Variants in RAB32 observed in about 807,000 individuals in gnomAD.
RAB32 encodes the protein RAB32, member RAS oncogene family, also known as ras-related protein Rab-32.
A neutral mutation model predicts 17.5 loss-of-function variants in RAB32; 17 were observed. The ratio of observed to expected loss-of-function variants is 0.97; its 90% CI spans 0.67 to 1.46. The LOEUF is 1.46. Among genes scored for constraint, RAB32 ranks in the 40% most tolerant of loss-of-function variants. The pLI is 0.00. For synonymous variants in RAB32, 115 were observed against 111.1 expected, an observed-to-expected ratio of 1.04 and a Z score of -0.22; for missense variants, 288 against 284.3, an observed-to-expected ratio of 1.01 and a Z score of -0.09.
chr6:146,545,757 A>T (rs1031253377), intron 1 of RAB32, among the ~76,000 whole-genome samples: 8 of 152,218 alleles, frequency 5.3e-5, no homozygotes, highest in African/African-American at 1.9e-4. Flanking sequence ...CGTTGCACAG[A>T]ACCCTAATGA....
rs919286380 is a variant in RAB32 at position 146,549,396 on chromosome 6, G to A, written c.251-68G>A. 14 of 1,316,816 alleles carry A rather than the reference G, an allele frequency of 1.1e-5. No homozygotes were observed. In the Admixed American group the frequency reaches 2.2e-4, roughly 21 times the overall value. 81.6% of individuals were successfully genotyped at this position (1,316,816 alleles called of 1,614,324 possible). A position where few individuals can be genotyped will look rare whatever the true frequency, so the allele number is the denominator to read the frequency against. On this transcript the variant is annotated intron_variant, in intron 1 of 2. Coordinates refer to ENST00000367495, the MANE Select transcript of RAB32 (RefSeq NM_006834.5). ...CATAGTGTTGCTCTTGGGGTAAAAG[G>A]GGTTATACCTAAATGTAGACTCTGT...
chr6:146,554,415 A>C (rs1779933739), intron 2 of RAB32, 41 bp from the exon 3 acceptor site: 1 of 1,566,504 alleles, frequency 6.4e-7, no homozygotes, highest in African/African-American at 1.4e-5. Context: ...TCTAAGAATT[A>C]ATCCTAAAAA....
At chr6:146,551,331 G>A (rs1258805467) in intron 2 of RAB32, among the ~76,000 whole-genome samples, 1 of 152,112 alleles carries the variant, frequency 6.6e-6, no homozygotes, top group Admixed American at 6.6e-5. Context: ...TTCTTATAGA[G>A]AAGTCACCTC....
chr6:146,554,533 A>G lies in RAB32; in HGVS notation c.606A>G (p.Glu202=). The part of the protein sequence containing the change: ...ILVNHQSFPN[E]ENDVDKIKLD... ...TAAACCACCAAAGCTTTCCTAATGA[A>G]GAAAACGATGTGGACAAAATTAAGC... is the stretch of plus-strand genomic sequence containing the variant. Residue 202 remains glutamate (E), a synonymous_variant, in exon 3 of 3, where the codon GAA becomes GAG. Transcript: ENST00000367495. 6.2e-7 allele frequency: 1 copy of G among 1,613,986 alleles called. No homozygotes were observed. Among genetic ancestry groups the G allele is most frequent in the Non-Finnish European group, 8.5e-7 (1 of 1,179,868 alleles).
At chr6:146,551,504 C>T (rs1311997760) in intron 2 of RAB32, among the ~76,000 whole-genome samples, 2 of 151,440 alleles carry the variant, frequency 1.3e-5, no homozygotes, top group Non-Finnish European at 1.5e-5. Context: ...GGATTACAGG[C>T]GTGTTCTTCT....
Position 146,543,954 on chromosome 6 carries a change from T to G in RAB32, c.83T>G (p.Val28Gly), listed in dbSNP as rs2114779959. The G allele has an allele frequency of 6.2e-7, 1 of 1,612,404 alleles. No individual in the cohort carries two copies. Residue 28 changes from valine (V) to glycine (G), a missense_variant, in exon 1 of 3, where the codon GTG (valine) becomes GGG (glycine). Physicochemically the swap from Val to Gly is moderately radical, Grantham distance 109. Transcript: ENST00000367495. ...APETREHLFKVLVIGELGVGK... is the reference protein window; with the variant it reads ...APETREHLFKGLVIGELGVGK... The stretch of plus-strand genomic sequence containing the variant: ...GAGACCCGCGAGCACCTCTTCAAGG[T>G]GCTGGTGATCGGCGAGCTTGGCGTG...
At chr6:146,548,814 A>G (rs1779857947) in intron 1 of RAB32, among the ~76,000 whole-genome samples, 1 of 152,214 alleles carries the variant, frequency 6.6e-6, no homozygotes, top group African/African-American at 2.4e-5. Context: ...GTTTGACATA[A>G]ATTATTTTAA....
intron 2 of RAB32, among the ~76,000 whole-genome samples, chr6:146,552,199 A>G (rs865959613): frequency 6.6e-5 from 10 of 152,228 alleles, no homozygotes; most frequent in African/African-American, 7.2e-5. Flanking sequence ...TTACATTAAC[A>G]TGTGACTAGT....
At chr6:146,547,724 A>C (rs1281215187) in intron 1 of RAB32, among the ~76,000 whole-genome samples, 4 of 28,162 alleles carry the variant, frequency 1.4e-4, no homozygotes, top group Non-Finnish European at 1.9e-4. Flanking sequence ...ATGATTCACA[A>C]AAAAAAAAAA....
At position 146,546,108 on chromosome 6, in the gene RAB32, G is replaced by A. The variant is rs141919579; in HGVS notation, c.250+1987G>A. On this transcript the variant is annotated intron_variant, in intron 1 of 2. Transcript: ENST00000367495. Reference sequence around the variant, plus strand: ...ATTAATCACAGACCTCGAATGACAGGAAGGGGTCATATCTAGTTTTTTATC... The same window carrying A: ...ATTAATCACAGACCTCGAATGACAGAAAGGGGTCATATCTAGTTTTTTATC... 4.1e-3 allele frequency among the ~76,000 whole-genome samples: 629 copies of A among 152,186 alleles called. 6 individuals carry two copies. The highest frequency in any genetic ancestry group is 0.015 in the African/African-American group (604 of 41,522).
chr6:146,547,782 G>T (rs1159747384), intron 1 of RAB32, among the ~76,000 whole-genome samples: 1 of 147,982 alleles, frequency 6.8e-6, no homozygotes, highest in African/African-American at 2.5e-5. Context: ...TTAACTTCTA[G>T]GTTTCTAACT....
chr6:146,553,542 A>C (rs77121909), intron 2 of RAB32, among the ~76,000 whole-genome samples: 229 of 152,230 alleles, frequency 1.5e-3, no homozygotes, highest in African/African-American at 5.4e-3. Flanking sequence ...AAGCAAGGAG[A>C]GTGAGGAACT....
In RAB32 at chr6:146,546,363, A is replaced by T. The variant is rs73783710; in HGVS notation, c.250+2242A>T. ...TTATTAGGCTCACATTATAAGTAAG[A>T]TTTTCAGAGATAGAATTTTAATATC... On this transcript the variant is annotated intron_variant, in intron 1 of 2. Coordinates refer to ENST00000367495, the MANE Select transcript of RAB32 (RefSeq NM_006834.5). Among the ~76,000 whole-genome samples the T allele has an allele frequency of 2.4e-3, 367 of 152,152 alleles. 1 individual carries two copies. Among genetic ancestry groups the T allele is most frequent in the African/African-American group, 8.1e-3 (338 of 41,500 alleles).
chr6:146,550,467 G>A (rs1258447491), intron 2 of RAB32, among the ~76,000 whole-genome samples: 1 of 151,818 alleles, frequency 6.6e-6, no homozygotes, highest in Non-Finnish European at 1.5e-5. Context: ...GACCAGCCTG[G>A]GCAACGTGGC....
At chr6:146,553,076 T>G (rs1380499640) in intron 2 of RAB32, among the ~76,000 whole-genome samples, 2 of 152,212 alleles carry the variant, frequency 1.3e-5, no homozygotes, top group Non-Finnish European at 2.9e-5. Flanking sequence ...TTTTTATTTT[T>G]TTATTATACT....
intron 1 of RAB32, among the ~76,000 whole-genome samples, chr6:146,545,953 C>T (rs944297169): frequency 1.3e-5 from 2 of 152,172 alleles, no homozygotes; most frequent in African/African-American, 4.8e-5. Context: ...TATTAAACTA[C>T]GATTGGGTCC....
rs568621575 is a variant in RAB32, at chr6:146,545,121, TAG to T, written c.250+1002_250+1003del. On this transcript the variant is annotated intron_variant, in intron 1 of 2. Coordinates refer to ENST00000367495, the MANE Select transcript of RAB32 (RefSeq NM_006834.5). Reference sequence around the variant, plus strand: ...ATATACATACATACATACAAAAAATTAGACAAGTGTGGTCGTGCGTGCCTGTA... The same window carrying T: ...ATATACATACATACATACAAAAAATTACAAGTGTGGTCGTGCGTGCCTGTA... Among the ~76,000 whole-genome samples the T allele has an allele frequency of 1.8e-3, 277 of 151,880 alleles. 1 individual carries two copies. The highest frequency in any genetic ancestry group is 0.01 in the Middle Eastern group (3 of 294).
chr6:146,549,542 G>T lies in RAB32; in HGVS notation c.329G>T (p.Arg110Ile). Residue 110 changes from arginine to isoleucine, a missense_variant, in exon 2 of 3, where the codon AGA becomes ATA. Coordinates refer to ENST00000367495, the MANE Select transcript of RAB32 (RefSeq NM_006834.5). ...VGAFVVFDIS[R>I]SSTFEAVLKW... ...GCTTTTGTAGTCTTTGATATATCAA[G>T]AAGTTCCACATTTGAGGCAGTCTTA... The T allele has an allele frequency of 6.2e-7, 1 of 1,614,150 alleles. No homozygotes were observed. The highest frequency in any genetic ancestry group is 8.5e-7 in the Non-Finnish European group (1 of 1,179,970).
chr6:146,553,829 T>C (rs1240073827), intron 2 of RAB32, among the ~76,000 whole-genome samples: 13 of 152,218 alleles, frequency 8.5e-5, no homozygotes. Context: ...TAAATATATT[T>C]AAAAATAAGC....
Sources: allele counts gnomAD v4.1 joint callset (sites outside exome capture counted in the v4.1 genomes callset), GRCh38; gene constraint gnomAD v4.1.1; transcripts MANE v1.5; gene names NCBI Gene and HGNC (gene_info 2026-07-23, HGNC 2026-07-21).